ARHGAP24: variants seen among roughly 807,000 people sequenced by gnomAD.
The protein encoded by ARHGAP24 is rho GTPase-activating protein 24.
Under a neutral mutation model 76.4 loss-of-function variants are expected in ARHGAP24, and 50 were observed. The observed-to-expected ratio is 0.65, with a 90% CI of 0.52 to 0.83. The LOEUF (loss-of-function observed/expected upper bound fraction) is 0.83, where lower values mean the gene tolerates loss of function less well. Ranked by LOEUF, ARHGAP24 falls within the 40% of genes least tolerant of loss-of-function variation. ARHGAP24 has a pLI of 0.00. For synonymous variants in ARHGAP24, 345 were observed against 323.3 expected (o/e 1.07, Z -0.72); for missense variants, 930 against 914.2 (o/e 1.02, Z -0.22).
At chr4:85,482,042 T>A (rs1341387096) in intron 1 of ARHGAP24, among the ~76,000 whole-genome samples, 1 of 152,182 alleles carries the variant, frequency 6.6e-6, no homozygotes, top group Non-Finnish European at 1.5e-5. Flanking sequence ...TCTTTGATTG[T>A]TTCATTTTGT....
At chr4:85,834,967 A>G (rs1224668871) in intron 3 of ARHGAP24, among the ~76,000 whole-genome samples, 1 of 152,206 alleles carries the variant, frequency 6.6e-6, no homozygotes, top group African/African-American at 2.4e-5. Context: ...TGTAATGACT[A>G]AGTATCAGAA....
chr4:85,543,839 TTAG>T (rs1296287711), intron 1 of ARHGAP24, among the ~76,000 whole-genome samples: 2 of 152,194 alleles, frequency 1.3e-5, no homozygotes, highest in South Asian at 2.1e-4. Context: ...GAGTTAGTAG[TTAG>T]TAGTAGTTTT....
chr4:85,633,411 G>T (rs1721222362), intron 2 of ARHGAP24, among the ~76,000 whole-genome samples: 1 of 151,720 alleles, frequency 6.6e-6, no homozygotes, highest in Non-Finnish European at 1.5e-5. Context: ...TATTTATGTG[G>T]TATCTTCCAT....
At chr4:85,601,509 T>C (rs1229150236) in intron 2 of ARHGAP24, among the ~76,000 whole-genome samples, 1 of 152,182 alleles carries the variant, frequency 6.6e-6, no homozygotes, top group Non-Finnish European at 1.5e-5. Flanking sequence ...TTGTAGGGTG[T>C]CTGGCAGCAT....
chr4:85,520,555 A>G (rs1240372641), intron 1 of ARHGAP24, among the ~76,000 whole-genome samples: 1 of 152,102 alleles, frequency 6.6e-6, no homozygotes, highest in African/African-American at 2.4e-5. Context: ...GTGGGCAATG[A>G]TGGGGGGAAG....
At chr4:85,918,506 C>T (rs974792741) in intron 3 of ARHGAP24, among the ~76,000 whole-genome samples, 2 of 151,862 alleles carry the variant, frequency 1.3e-5, no homozygotes, top group African/African-American at 4.8e-5. Context: ...TCAATGTTTT[C>T]ATACAGTTAA....
At chr4:85,789,370 C>G (rs930707853) in intron 3 of ARHGAP24, among the ~76,000 whole-genome samples, 3 of 151,762 alleles carry the variant, frequency 2.0e-5, no homozygotes, top group Admixed American at 2.0e-4. Context: ...CAGACTTTTT[C>G]TTTTTCTTTT....
chr4:85,643,193 A>C, intron 2 of ARHGAP24, among the ~76,000 whole-genome samples: 2 of 145,396 alleles, frequency 1.4e-5, no homozygotes, highest in Admixed American at 7.0e-5. Context: ...AATACCCCTT[A>C]ACCTGGTTCT....
intron 1 of ARHGAP24, among the ~76,000 whole-genome samples, chr4:85,487,977 C>A (rs1455533023): frequency 2.0e-5 from 3 of 146,554 alleles, no homozygotes; most frequent in Non-Finnish European, 4.4e-5. Flanking sequence ...GTGATCTCGG[C>A]TCACTGCAAG....
chr4:85,791,884 G>A (rs1728147109), intron 3 of ARHGAP24, among the ~76,000 whole-genome samples: 1 of 152,158 alleles, frequency 6.6e-6, no homozygotes, highest in African/African-American at 2.4e-5. Context: ...GGTGGAGGTG[G>A]TCAGTAGTGT....
At chr4:85,677,987 C>G (rs932167961) in intron 2 of ARHGAP24, among the ~76,000 whole-genome samples, 1 of 151,702 alleles carries the variant, frequency 6.6e-6, no homozygotes, top group Non-Finnish European at 1.5e-5. Flanking sequence ...ATGTAGTGAA[C>G]TGTGATTGTA....
chr4:85,534,754 C>T (rs572018481), intron 1 of ARHGAP24, among the ~76,000 whole-genome samples: 1 of 152,068 alleles, frequency 6.6e-6, no homozygotes, highest in South Asian at 2.1e-4. Context: ...ACAGACGCTT[C>T]GTCACCAGGA....
intron 4 of ARHGAP24, chr4:85,930,328 G>A (rs955254125): frequency 1.0e-6 from 1 of 986,874 alleles, no homozygotes. Context: ...ATCAAAGGAT[G>A]GGGGGTGCTA....
intron 2 of ARHGAP24, among the ~76,000 whole-genome samples, chr4:85,590,038 G>A (rs1728019556): frequency 6.6e-6 from 1 of 152,186 alleles, no homozygotes; most frequent in African/African-American, 2.4e-5. Context: ...TGTTCTTAAA[G>A]TAATACTTAC....
At chr4:85,783,180 T>C (rs925598508) in intron 3 of ARHGAP24, among the ~76,000 whole-genome samples, 1 of 152,210 alleles carries the variant, frequency 6.6e-6, no homozygotes, top group South Asian at 2.1e-4. Flanking sequence ...TGTTATTCTA[T>C]AACCCCCCTC....
chr4:85,834,855 G>A (rs1041238345), intron 3 of ARHGAP24, among the ~76,000 whole-genome samples: 8 of 152,114 alleles, frequency 5.3e-5, no homozygotes, highest in East Asian at 1.9e-4. Context: ...CCATTTATGT[G>A]AAAACCCAAA....
chr4:85,557,435 G>T (rs1578033548), intron 1 of ARHGAP24, among the ~76,000 whole-genome samples: 1 of 152,354 alleles, frequency 6.6e-6, no homozygotes, highest in Admixed American at 6.5e-5. Context: ...GGCCGCAGCA[G>T]GGGAGTTTGC....
chr4:85,831,045 A>AT (rs1729970845), intron 3 of ARHGAP24, among the ~76,000 whole-genome samples: 1 of 152,218 alleles, frequency 6.6e-6, no homozygotes, highest in Non-Finnish European at 1.5e-5. Flanking sequence ...TACCCACTAA[A>AT]GTCATTATAT....
chr4:85,524,872 A>G (rs1212358756), intron 1 of ARHGAP24, among the ~76,000 whole-genome samples: 5 of 152,188 alleles, frequency 3.3e-5, no homozygotes, highest in Non-Finnish European at 7.4e-5. Context: ...TCTTACAAAC[A>G]TATAAAGCAT....
Sources: gnomAD v4.1 joint callset for allele counts (sites outside exome capture counted in the v4.1 genomes callset) on GRCh38, gnomAD v4.1.1 for gene constraint, MANE v1.5 for transcripts, NCBI Gene and HGNC (gene_info 2026-07-23, HGNC 2026-07-21) for gene names.